ELP6: variants seen among roughly 807,000 people sequenced by gnomAD.
The protein encoded by ELP6 is elongator acetyltransferase complex subunit 6, also known as elongator complex protein 6.
Under a neutral mutation model 28.1 loss-of-function variants are expected in ELP6, and 23 were observed. The observed-to-expected ratio is 0.82, with a 90% CI of 0.59 to 1.16. The LOEUF (loss-of-function observed/expected upper bound fraction) is 1.16. Ranked by LOEUF, ELP6 falls within the 50% of genes most tolerant of loss-of-function variation. The probability of loss-of-function intolerance (pLI) is 0.00; values close to 1 mark genes in which losing one functional copy is unlikely to be tolerated. For missense variants in ELP6, 313 were observed against 334.6 expected (o/e 0.94, Z 0.50); for synonymous variants, 132 against 135.8 (o/e 0.97, Z 0.19).
chr3:47,499,978 G>A, intron 5 of ELP6: 1 of 1,346,638 alleles, frequency 7.4e-7, no homozygotes, highest in Non-Finnish European at 9.9e-7. Flanking sequence ...TTGAGGGGAA[G>A]CTGCTGCTTC....
intron 6 of ELP6, chr3:47,497,156 G>C: frequency 2.0e-6 from 2 of 985,176 alleles, no homozygotes; most frequent in South Asian, 9.4e-5. Context: ...CTTGGGAGTG[G>C]TTCCAGAAGA....
intron 4 of ELP6, chr3:47,502,552 A>G: frequency 1.0e-6 from 1 of 984,778 alleles, no homozygotes; most frequent in Non-Finnish European, 1.2e-6. Context: ...AAAGTTAAAC[A>G]GGCTGGGCAC....
intron 6 of ELP6, chr3:47,496,944 C>T (rs1397561090): frequency 1.0e-6 from 1 of 985,316 alleles, no homozygotes; most frequent in Admixed American, 6.1e-5. Context: ...CTCTGGGGGT[C>T]TGGCTGAAGA....
intron 6 of ELP6, chr3:47,496,830 CG>C: frequency 2.0e-6 from 2 of 985,258 alleles, no homozygotes; most frequent in Non-Finnish European, 2.4e-6. Context: ...TTTGTACTTG[CG>C]GGCTAGACTA....
intron 3 of ELP6, chr3:47,504,700 A>G (rs567704526): frequency 1.0e-6 from 1 of 962,416 alleles, no homozygotes; most frequent in South Asian, 4.8e-5. Context: ...ACATGCCTGG[A>G]GTCCCAGCTA....
At chr3:47,503,025 G>A (rs1392306035) in intron 4 of ELP6, 2 of 1,010,854 alleles carry the variant, frequency 2.0e-6, no homozygotes, top group Non-Finnish European at 1.2e-6. Context: ...TGGAGGAACA[G>A]AGCCCAGGGC....
chr3:47,513,360 T>A, intron 1 of ELP6, 177 bp downstream of exon 1: 5 of 1,406,726 alleles, frequency 3.6e-6, no homozygotes, highest in Non-Finnish European at 4.6e-6. Flanking sequence ...AAGCCCACTT[T>A]CGGCGGGCCC....
Position 47,495,728 on chromosome 3 carries a change from A to T in ELP6, c.*341T>A, listed in dbSNP as rs998423747. 8.3e-6 allele frequency: 2 copies of T among 239,860 alleles called. No homozygotes were observed. The highest frequency in any genetic ancestry group is 4.7e-5 in the African/African-American group (2 of 42,538). The allele number at this position is 239,860 out of a possible 1,614,324, so 14.9% of individuals were successfully genotyped here. Reference sequence around the variant, plus strand: ...CATCCGGTGCCATCTCCTGGCTGGCACATCTATACCCACTCTGGCTCTGAA... The same window carrying T: ...CATCCGGTGCCATCTCCTGGCTGGCTCATCTATACCCACTCTGGCTCTGAA... On this transcript the variant is annotated 3_prime_UTR_variant, in exon 7 of 7. Coordinates refer to ENST00000296149, the MANE Select transcript of ELP6 (RefSeq NM_001031703.3).
intron 2 of ELP6, 23 bp from the exon 3 acceptor site, chr3:47,510,277 T>A: frequency 1.2e-6 from 2 of 1,601,478 alleles, no homozygotes; most frequent in Non-Finnish European, 8.6e-7. Context: ...ACAATTATTT[T>A]AAATAAATCC....
chr3:47,508,825 C>T (rs997078681), intron 3 of ELP6, among the ~76,000 whole-genome samples: 8 of 141,656 alleles, frequency 5.6e-5, no homozygotes, highest in African/African-American at 1.3e-4. Flanking sequence ...AGTGCAGTGG[C>T]GTGATCTCAG....
intron 3 of ELP6, 122 bp from the exon 4 acceptor site, chr3:47,504,570 A>G (rs1708771536): frequency 1.4e-6 from 2 of 1,382,262 alleles, no homozygotes; most frequent in Non-Finnish European, 1.9e-6. Context: ...TGATCACCCA[A>G]TGTACAGGCC....
chr3:47,506,504 C>A (rs974829891), intron 3 of ELP6, among the ~76,000 whole-genome samples: 2 of 151,102 alleles, frequency 1.3e-5, no homozygotes, highest in Non-Finnish European at 2.9e-5. Flanking sequence ...CACCCCCAAG[C>A]GCGTATTCTC....
intron 5 of ELP6, among the ~76,000 whole-genome samples, chr3:47,499,143 C>G (rs1252484740): frequency 6.6e-6 from 1 of 152,152 alleles, no homozygotes; most frequent in African/African-American, 2.4e-5. Context: ...TTTGGGAGGC[C>G]AAGGCGGGAG....
At chr3:47,513,283 C>G (rs2029944797) in intron 1 of ELP6, 9 of 1,336,804 alleles carry the variant, frequency 6.7e-6, no homozygotes, top group Non-Finnish European at 8.6e-6. Flanking sequence ...TGAGCCACCG[C>G]GCCCGGCCGC....
intron 3 of ELP6, chr3:47,509,916 C>T (rs1708965619): frequency 3.6e-6 from 1 of 279,590 alleles, no homozygotes; most frequent in Admixed American, 5.1e-5. Context: ...TATGCACCAC[C>T]ACGCCCAGCT....
At chr3:47,500,364 A>C (rs1576339487) in intron 5 of ELP6, 2 of 345,936 alleles carry the variant, frequency 5.8e-6, no homozygotes, top group Non-Finnish European at 8.2e-6. Flanking sequence ...AGCTTGGGCA[A>C]CATAGTGAGA....
rs188620807 is a variant in ELP6 at position 47,503,669 on chromosome 3, G to A, written c.323+661C>T. On this transcript the variant is annotated intron_variant, in intron 4 of 6. Coordinates refer to ENST00000296149, the MANE Select transcript of ELP6 (RefSeq NM_001031703.3). ...TGTAATCCCAGCACTTTGGGAGGCC[G>A]AGGCGGGCGGATCACGAGGTCAGGA... 3.1e-3 allele frequency among the ~76,000 whole-genome samples: 473 copies of A among 152,222 alleles called. 3 individuals are homozygous for A. Among genetic ancestry groups the A allele is most frequent in the African/African-American group, 0.01 (432 of 41,532 alleles).
chr3:47,499,621 T>C (rs1304278215), intron 5 of ELP6: 3 of 363,834 alleles, frequency 8.2e-6, no homozygotes, highest in East Asian at 1.7e-4. Context: ...GAGGTGGAGG[T>C]TGCAGTGAGC....
intron 6 of ELP6, chr3:47,497,185 G>A (rs940594144): frequency 4.5e-5 from 44 of 985,248 alleles, no homozygotes; most frequent in Admixed American, 1.2e-4. Flanking sequence ...AGAAGGCACA[G>A]AGCCACATGG....
Sources: allele counts gnomAD v4.1 joint callset (sites outside exome capture counted in the v4.1 genomes callset), GRCh38; gene constraint gnomAD v4.1.1; transcripts MANE v1.5; gene names NCBI Gene and HGNC (gene_info 2026-07-23, HGNC 2026-07-21).